Variants in DNASE1 observed in about 807,000 individuals in gnomAD.
DNASE1 encodes the protein deoxyribonuclease-1.
In DNASE1, 40 loss-of-function variants were observed where a neutral mutation model predicts 33.9. The ratio of observed to expected loss-of-function variants is 1.18; its 90% CI spans 0.92 to 1.54. The LOEUF is 1.54. Among genes scored for constraint, DNASE1 ranks in the 40% most tolerant of loss-of-function variants. DNASE1 has a pLI of 0.00. For synonymous variants in DNASE1, 216 were observed against 160.0 expected (o/e 1.35, Z -2.64); for missense variants, 518 against 372.6 (o/e 1.39, Z -3.21).
In DNASE1 at chr16:3,664,329, C is replaced by T. The variant is rs754468778; in HGVS notation, c.*6376C>T. 8.1e-6 allele frequency: 13 copies of T among 1,612,060 alleles called. No individual in the cohort carries two copies. The highest frequency in any genetic ancestry group is 4.0e-5 in the African/African-American group (3 of 74,808). On this transcript the variant is annotated 3_prime_UTR_variant, in exon 10 of 10. Coordinates refer to the DNASE1 transcript ENST00000407479. ...GTAGGGTGAGTGCTCTGCCAGGTGA[C>T]GGTTGGGGGCGCACAGGTAGTAGAT...
chr16:3,657,356 G>A lies in DNASE1; in HGVS notation c.704+15G>A, dbSNP rs776663482. 19 of 1,610,696 alleles carry A rather than the reference G, an allele frequency of 1.2e-5. No individual in the cohort carries two copies. Among genetic ancestry groups the A allele is most frequent in the East Asian group, 1.1e-4 (5 of 44,872 alleles). On this transcript the variant is annotated intron_variant, in intron 7 of 8. Coordinates refer to ENST00000246949, the MANE Select transcript of DNASE1 (RefSeq NM_005223.4). ...GCCTATGACAGGTGAGCAGGGCCTC[G>A]CGCTTAGGGCAGACTGAGGGCACCT...
exon 10 of DNASE1, chr16:3,663,775 TAAAG>T: frequency 1.7e-6 from 1 of 592,858 alleles, no homozygotes; most frequent in Non-Finnish European, 2.9e-6. Flanking sequence ...ACTCCACGCA[TAAAG>T]AAATCCACAT....
downstream of DNASE1, chr16:3,663,007 C>T (rs1160820470): frequency 2.0e-6 from 3 of 1,521,848 alleles, no homozygotes; most frequent in Admixed American, 1.9e-5. Flanking sequence ...GGCCTGCATC[C>T]CAACTCCCCG....
Position 3,657,792 on chromosome 16 carries a change from T to G in DNASE1, c.777T>G (p.Ala259=). The G allele has an allele frequency of 6.2e-7, 1 of 1,614,082 alleles. No individual in the cohort carries two copies. Among genetic ancestry groups the G allele is most frequent in the Non-Finnish European group, 8.5e-7 (1 of 1,180,022 alleles). The part of the protein sequence containing the change: ...PDSALPFNFQ[A]AYGLSDQLAQ... ...CGGCTCTTCCCTTTAACTTCCAGGCTGCCTATGGCCTGAGTGACCAACTGG... is the reference window on the plus strand; with the variant it reads ...CGGCTCTTCCCTTTAACTTCCAGGCGGCCTATGGCCTGAGTGACCAACTGG... Residue 259 remains alanine (A), a synonymous_variant, in exon 8 of 9, where the codon GCT becomes GCG. Transcript: ENST00000246949.
At chr16:3,642,216 T>G (rs545862557), upstream of DNASE1, among the ~76,000 whole-genome samples, 2 of 152,300 alleles carry the variant, frequency 1.3e-5, no homozygotes, top group East Asian at 3.9e-4. Context: ...TGGTTCTGAG[T>G]TCTCTGCTAT....
chr16:3,638,135 G>T (rs2041927376), upstream of DNASE1, among the ~76,000 whole-genome samples: 2 of 151,150 alleles, frequency 1.3e-5, no homozygotes, highest in South Asian at 4.2e-4. Context: ...GTGTGTGTGT[G>T]TGTGTTTTTC....
Position 3,655,891 on chromosome 16 carries a change from GACAGCC to G in DNASE1, c.193_198del (p.Ser65_His66del), listed in dbSNP as rs775838249. The G allele has an allele frequency of 6.2e-7, 1 of 1,614,016 alleles. No individual in the cohort carries two copies. The highest frequency in any genetic ancestry group is 1.7e-5 in the Admixed American group (1 of 60,036). On this transcript the variant is annotated inframe_deletion, in exon 3 of 9. Transcript: ENST00000246949. ...CATCGCCCTGGTCCAGGAGGTCAGAGACAGCCACCTGACTGCCGTGGGGAAGCTGCT... is the reference window on the plus strand; with the variant it reads ...CATCGCCCTGGTCCAGGAGGTCAGAGACCTGACTGCCGTGGGGAAGCTGCT...
intron 1 of DNASE1, among the ~76,000 whole-genome samples, chr16:3,618,122 A>G (rs1446130005): frequency 6.6e-6 from 1 of 151,820 alleles, no homozygotes; most frequent in Non-Finnish European, 1.5e-5. Flanking sequence ...GGACTTGAAT[A>G]GACATTCCAA....
At chr16:3,631,089 C>A (rs2041681936) in intron 1 of DNASE1, among the ~76,000 whole-genome samples, 1 of 152,060 alleles carries the variant, frequency 6.6e-6, no homozygotes, top group Non-Finnish European at 1.5e-5. Flanking sequence ...GTGGTGCAAT[C>A]TTGGCTCACT....
rs547264483 is a variant in DNASE1, at chr16:3,614,100, G to A, written c.-1359+2094G>A. On this transcript the variant is annotated intron_variant and NMD_transcript_variant, in intron 1 of 11. Coordinates refer to the DNASE1 transcript ENST00000570769. Reference sequence around the variant, plus strand: ...GCTAATTTTTTGTATTTTTAGTAGAGACGGGGTTTCACCATATTAGCCAGG... The same window carrying A: ...GCTAATTTTTTGTATTTTTAGTAGAAACGGGGTTTCACCATATTAGCCAGG... 2.5e-3 allele frequency among the ~76,000 whole-genome samples: 387 copies of A among 152,140 alleles called. 2 individuals carry two copies. Among genetic ancestry groups the A allele is most frequent in the Middle Eastern group, 0.017 (5 of 294 alleles).
At chr16:3,664,621 CT>C in exon 10 of DNASE1, 4 of 722,970 alleles carry the variant, frequency 5.5e-6, no homozygotes, top group Non-Finnish European at 8.7e-6. Context: ...GAGAGCAGGC[CT>C]TGCTCTGCCC....
At chr16:3,613,763 C>A (rs1418887796) in intron 1 of DNASE1, among the ~76,000 whole-genome samples, 2 of 152,104 alleles carry the variant, frequency 1.3e-5, no homozygotes, top group African/African-American at 2.4e-5. Context: ...CCCTTCCTTG[C>A]TTCGTTTTCG....
chr16:3,657,329 G>A lies in DNASE1; in HGVS notation c.692G>A (p.Cys231Tyr), dbSNP rs8176940. The part of the protein sequence containing the change: ...SADTTATPTH[C>Y]AYDRIVVAGM... ...GACACCACAGCTACACCCACGCACT[G>A]TGCCTATGACAGGTGAGCAGGGCCT... The change falls in exon 7 of 9, where the codon TGT (cysteine) becomes TAT (tyrosine). Residue 231 changes from cysteine to tyrosine, a missense_variant. Coordinates refer to ENST00000246949, the MANE Select transcript of DNASE1 (RefSeq NM_005223.4). 34 of 1,613,228 alleles carry A rather than the reference G, an allele frequency of 2.1e-5. No homozygotes were observed. The highest frequency in any genetic ancestry group is 6.7e-5 in the African/African-American group (5 of 74,910).
chr16:3,621,287 A>C (rs1026347824), intron 1 of DNASE1, among the ~76,000 whole-genome samples: 1 of 152,032 alleles, frequency 6.6e-6, no homozygotes, highest in Non-Finnish European at 1.5e-5. Flanking sequence ...GGGTCTTGCT[A>C]TCTTGCCCAG....
At chr16:3,661,963 G>A, downstream of DNASE1, 1 of 1,574,884 alleles carries the variant, frequency 6.3e-7, no homozygotes, top group Non-Finnish European at 8.6e-7. Context: ...CCACAGGCTG[G>A]AAGAGCCAGG....
intron 1 of DNASE1, among the ~76,000 whole-genome samples, chr16:3,628,491 C>G (rs1285158858): frequency 6.6e-6 from 1 of 151,846 alleles, no homozygotes; most frequent in East Asian, 1.9e-4. Context: ...ATGTTCTCAT[C>G]TTAGAAGAAA....
exon 10 of DNASE1, chr16:3,664,245 G>C: frequency 6.6e-7 from 1 of 1,526,194 alleles, no homozygotes; most frequent in Non-Finnish European, 8.8e-7. Flanking sequence ...TGCAGCCCCC[G>C]GAGCCCGCCC....
chr16:3,614,116 A>G (rs370855072), intron 1 of DNASE1, among the ~76,000 whole-genome samples: 11 of 151,472 alleles, frequency 7.3e-5, no homozygotes, highest in East Asian at 1.9e-4. Context: ...GTTTCACCAT[A>G]TTAGCCAGGA....
At chr16:3,637,482 C>T (rs2041904356) in intron 1 of DNASE1, among the ~76,000 whole-genome samples, 1 of 152,104 alleles carries the variant, frequency 6.6e-6, no homozygotes, top group Admixed American at 6.6e-5. Context: ...GGGGTTTTTG[C>T]CTCCTTAGGT....
Sources: gnomAD v4.1 joint callset for allele counts (sites outside exome capture counted in the v4.1 genomes callset) on GRCh38, gnomAD v4.1.1 for gene constraint, MANE v1.5 for transcripts, NCBI Gene and HGNC (gene_info 2026-07-23, HGNC 2026-07-21) for gene names.